Variants in STK35 observed in about 807,000 individuals in gnomAD.
STK35 encodes serine/threonine-protein kinase 35.
In STK35, 17 loss-of-function variants were observed where a neutral mutation model predicts 37.3. The observed-to-expected ratio is 0.46, with a 90% CI of 0.31 to 0.68. The LOEUF (loss-of-function observed/expected upper bound fraction) is 0.68, where lower values mean the gene tolerates loss of function less well. STK35 is among the 30% of genes least tolerant of loss of function. The pLI is 0.05. For missense variants in STK35, 595 were observed against 746.7 expected, an observed-to-expected ratio of 0.80 and a Z score of 2.37; for synonymous variants, 385 against 319.1, an observed-to-expected ratio of 1.21 and a Z score of -2.20.
chr20:2,143,223 C>G (rs1350451496), intron 3 of STK35, among the ~76,000 whole-genome samples: 3 of 152,168 alleles, frequency 2.0e-5, no homozygotes, highest in African/African-American at 7.2e-5. Flanking sequence ...CAGCCCTGCC[C>G]CTGGGTGTGG....
intron 3 of STK35, among the ~76,000 whole-genome samples, chr20:2,131,836 A>G (rs1278041925): frequency 2.6e-5 from 4 of 152,140 alleles, no homozygotes; most frequent in African/African-American, 7.2e-5. Context: ...CTCCTGCCTC[A>G]GCCTCCCAAA....
chr20:2,130,205 C>G (rs1985975241), intron 3 of STK35, among the ~76,000 whole-genome samples: 1 of 152,090 alleles, frequency 6.6e-6, no homozygotes, highest in Admixed American at 6.5e-5. Context: ...ACTCTCTCTC[C>G]TGCGTGGGTG....
At chr20:2,134,149 A>G (rs377020712) in intron 3 of STK35, among the ~76,000 whole-genome samples, 2 of 151,064 alleles carry the variant, frequency 1.3e-5, no homozygotes, top group African/African-American at 4.8e-5. Context: ...AATCCTAGCT[A>G]TTGGGGAGGC....
chr20:2,110,922 T>G (rs1985605102), intron 2 of STK35, among the ~76,000 whole-genome samples: 1 of 152,204 alleles, frequency 6.6e-6, no homozygotes, highest in Non-Finnish European at 1.5e-5. Flanking sequence ...GGTCCTGCCC[T>G]CAACTAGGCA....
chr20:2,107,395 A>T (rs1435322982), intron 2 of STK35, among the ~76,000 whole-genome samples: 1 of 152,254 alleles, frequency 6.6e-6, no homozygotes, highest in Non-Finnish European at 1.5e-5. Context: ...CAATTGTTTG[A>T]TGTCGATGCC....
chr20:2,119,571 C>G (rs117768009), intron 3 of STK35, among the ~76,000 whole-genome samples: 1,793 of 152,352 alleles, frequency 0.012, 29 homozygotes, highest in Non-Finnish European at 0.019. Flanking sequence ...TTTTGTTTCA[C>G]CTTTACAACC....
intron 2 of STK35, among the ~76,000 whole-genome samples, chr20:2,112,899 C>CA (rs1985646985): frequency 1.3e-5 from 2 of 152,162 alleles, no homozygotes; most frequent in South Asian, 4.1e-4. Flanking sequence ...CCTCTCAGCT[C>CA]AAAAAACTGA....
chr20:2,107,508 G>A (rs1016077899), intron 2 of STK35, among the ~76,000 whole-genome samples: 2 of 152,208 alleles, frequency 1.3e-5, no homozygotes, highest in Non-Finnish European at 2.9e-5. Flanking sequence ...TTTTCTCCAC[G>A]AGGCATGCAG....
chr20:2,113,793 A>G (rs1378244504), intron 2 of STK35, among the ~76,000 whole-genome samples: 1 of 152,182 alleles, frequency 6.6e-6, no homozygotes, highest in Non-Finnish European at 1.5e-5. Context: ...TGTAGTTCCT[A>G]TCTGACTTAA....
rs1986229242 is a variant in STK35 at position 2,144,671 on chromosome 20, G to A, written c.*925G>A. Reference sequence around the variant, plus strand: ...TTCAGCAGGCATCTGTCACTGCCGTGAGGTCAGCGCTTCTCACCTAACTGC... The same window carrying A: ...TTCAGCAGGCATCTGTCACTGCCGTAAGGTCAGCGCTTCTCACCTAACTGC... On this transcript the variant is annotated 3_prime_UTR_variant, in exon 4 of 4. Transcript: ENST00000381482. 1 of 153,092 alleles carries A rather than the reference G, an allele frequency of 6.5e-6. No individual in the cohort carries two copies. The highest frequency in any genetic ancestry group is 2.1e-4 in the South Asian group (1 of 4,846). 9.5% of individuals were successfully genotyped at this position (153,092 alleles called of 1,614,324 possible).
Position 2,146,776 on chromosome 20 carries a change from A to G in STK35, c.*3030A>G, listed in dbSNP as rs964516806. 1 of 152,628 alleles carries G rather than the reference A, an allele frequency of 6.6e-6. No homozygotes were observed. Among genetic ancestry groups the G allele is most frequent in the Non-Finnish European group, 1.5e-5 (1 of 68,250 alleles). 9.5% of individuals were successfully genotyped at this position (152,628 alleles called of 1,614,324 possible). A position where few individuals can be genotyped will look rare whatever the true frequency, so the allele number is the denominator to read the frequency against. Reference sequence around the variant, plus strand: ...CGCATCTCCCCACCACCACCAGGGCACTCACTCGCAGCTATAGCCCAGGAC... The same window carrying G: ...CGCATCTCCCCACCACCACCAGGGCGCTCACTCGCAGCTATAGCCCAGGAC... On this transcript the variant is annotated 3_prime_UTR_variant, in exon 4 of 4. Transcript: ENST00000381482.
intron 2 of STK35, 69 bp from the exon 3 acceptor site, chr20:2,116,597 T>C: frequency 6.7e-7 from 1 of 1,495,032 alleles, no homozygotes; most frequent in Non-Finnish European, 9.1e-7. Context: ...ATACACTGCA[T>C]CCTTTAGTTA....
intron 3 of STK35, among the ~76,000 whole-genome samples, chr20:2,137,584 G>A (rs906516500): frequency 1.3e-5 from 2 of 152,106 alleles, no homozygotes; most frequent in African/African-American, 2.4e-5. Context: ...CTGTATACCC[G>A]AAGACTGAAA....
intron 2 of STK35, among the ~76,000 whole-genome samples, chr20:2,104,435 T>G (rs1985474975): frequency 6.6e-6 from 1 of 152,216 alleles, no homozygotes; most frequent in South Asian, 2.1e-4. Context: ...ACAAATAACT[T>G]GATCAGGGTT....
chr20:2,102,694 T>G lies in STK35; in HGVS notation c.295-74T>G, dbSNP rs1056623842. The G allele has an allele frequency of 2.4e-6, 3 of 1,266,862 alleles. No individual in the cohort carries two copies. The South Asian group carries it at 6.3e-5, about 26-fold the overall frequency. The allele number at this position is 1,266,862 out of a possible 1,614,324, so 78.5% of individuals were successfully genotyped here. A position where few individuals can be genotyped will look rare whatever the true frequency, so the allele number is the denominator to read the frequency against. On this transcript the variant is annotated intron_variant, in intron 1 of 3. Transcript: ENST00000381482. ...CCGCGGCGGCCGGGGGAGGAGGAGG[T>G]GGGACGCCCCGCGGCCTACGCTCCT...
intron 3 of STK35, among the ~76,000 whole-genome samples, chr20:2,141,507 C>T (rs146356699): frequency 2.0e-5 from 3 of 152,346 alleles, no homozygotes; most frequent in African/African-American, 7.2e-5. Flanking sequence ...AGAGTCCAGA[C>T]AAGACCCCAC....
intron 1 of STK35, 77 bp from the exon 2 acceptor site, chr20:2,102,691 A>C (rs933276436): frequency 3.2e-6 from 4 of 1,243,776 alleles, no homozygotes; most frequent in Non-Finnish European, 4.1e-6. Flanking sequence ...GGGGAGGAGG[A>C]GGTGGGACGC....
rs753475353 is a variant in STK35, at chr20:2,103,190, G to A, written c.717G>A (p.Glu239=). ...AVKKIRCDAP[E]NVELALAEFW... ...AGAAGATCCGCTGCGACGCCCCCGA[G>A]AACGTGGAGCTGGCGCTGGCTGAAT... Residue 239 remains glutamate (E), a synonymous_variant, in exon 2 of 4, where the codon GAG becomes GAA. Coordinates refer to ENST00000381482, the MANE Select transcript of STK35 (RefSeq NM_080836.4). 2 of 1,609,776 alleles carry A rather than the reference G, an allele frequency of 1.2e-6. No individual in the cohort carries two copies. Among genetic ancestry groups the A allele is most frequent in the Non-Finnish European group, 1.7e-6 (2 of 1,179,464 alleles).
chr20:2,136,053 A>G (rs1039922470), intron 3 of STK35, among the ~76,000 whole-genome samples: 1 of 151,930 alleles, frequency 6.6e-6, no homozygotes, highest in African/African-American at 2.4e-5. Context: ...TGCTCCAGTC[A>G]TAAGTCTACT....
Sources: gnomAD v4.1 joint callset for allele counts (sites outside exome capture counted in the v4.1 genomes callset) on GRCh38, gnomAD v4.1.1 for gene constraint, MANE v1.5 for transcripts, NCBI Gene and HGNC (gene_info 2026-07-23, HGNC 2026-07-21) for gene names.